Variants in TYR observed in about 807,000 individuals in gnomAD.
TYR encodes the protein LB24-AB.
A neutral mutation model predicts 51.5 loss-of-function variants in TYR; 58 were observed. That is an observed-to-expected ratio of 1.13 (90% confidence interval 0.91 to 1.40). The LOEUF (loss-of-function observed/expected upper bound fraction) is 1.40. TYR is among the 40% of genes most tolerant of loss of function. The pLI, the probability that TYR is intolerant of heterozygous loss-of-function variation, is 0.00. For synonymous variants in TYR, 263 were observed against 235.2 expected (o/e 1.12, Z -1.08); for missense variants, 732 against 647.4 (o/e 1.13, Z -1.42).
In TYR at chr11:89,191,388, G is replaced by A. The variant is rs1201322135; in HGVS notation, c.1006G>A (p.Ala336Thr). Reference protein sequence around the residue: ...QYESGSMDKAANFSFRNTLEG... With the variant: ...QYESGSMDKATNFSFRNTLEG... ...TGAATCTGGTTCCATGGATAAAGCT[G>A]CCAATTTCAGCTTTAGAAATACACT... The change falls in exon 2 of 5, where the codon GCC (alanine) becomes ACC (threonine). Residue 336 changes from alanine (A) to threonine (T), a missense_variant. Transcript: ENST00000263321. The A allele has an allele frequency of 1.2e-6, 2 of 1,613,574 alleles. No individual in the cohort carries two copies. Among genetic ancestry groups the A allele is most frequent in the Non-Finnish European group, 8.5e-7 (1 of 1,179,692 alleles).
chr11:89,250,524 T>C (rs1443041610), intron 3 of TYR, among the ~76,000 whole-genome samples: 2 of 151,900 alleles, frequency 1.3e-5, no homozygotes, highest in Non-Finnish European at 2.9e-5. Flanking sequence ...CATAACAAAA[T>C]ACCACAGACT....
chr11:89,240,922 G>A (rs1347489297), intron 3 of TYR, among the ~76,000 whole-genome samples: 1 of 152,098 alleles, frequency 6.6e-6, no homozygotes, highest in East Asian at 1.9e-4. Context: ...GCTGTTCTCA[G>A]GTTTGTAAAA....
chr11:89,262,603 G>T (rs1199655852), intron 3 of TYR, among the ~76,000 whole-genome samples: 3 of 142,858 alleles, frequency 2.1e-5, no homozygotes, highest in African/African-American at 5.2e-5. Context: ...AGCTAGACTG[G>T]CCAAGAAAAA....
chr11:89,237,930 G>T (rs1243561809), intron 3 of TYR, among the ~76,000 whole-genome samples: 4 of 152,012 alleles, frequency 2.6e-5, no homozygotes, highest in Admixed American at 6.6e-5. Context: ...CCACCTCCCA[G>T]GTTCAAGCGA....
At chr11:89,286,581 A>T (rs1344386268) in intron 4 of TYR, among the ~76,000 whole-genome samples, 2 of 151,808 alleles carry the variant, frequency 1.3e-5, no homozygotes, top group Non-Finnish European at 1.5e-5. Flanking sequence ...ATATATACAC[A>T]ATTTGGGGCT....
intron 2 of TYR, among the ~76,000 whole-genome samples, chr11:89,194,099 T>C (rs1232489060): frequency 6.6e-6 from 1 of 152,198 alleles, no homozygotes; most frequent in Non-Finnish European, 1.5e-5. Context: ...GTATTTTTCC[T>C]CTCCAAAATA....
rs199857962 is a variant in TYR at position 89,217,825 on chromosome 11, GTTTCCCATGT to G, written c.1037-9996_1037-9987del. Among the ~76,000 whole-genome samples the G allele has an allele frequency of 7.8e-3, 1,187 of 152,160 alleles. 14 individuals carry two copies. Among genetic ancestry groups the G allele is most frequent in the African/African-American group, 0.026 (1,093 of 41,500 alleles). On this transcript the variant is annotated intron_variant, in intron 2 of 4. Coordinates refer to ENST00000263321, the MANE Select transcript of TYR (RefSeq NM_000372.5). ...TTGCTGCCCTACTCTTTCTGAAATAGTTTCCCATGTTATCCCATTTTCTACTACATGGAAA... is the reference window on the plus strand; with the variant it reads ...TTGCTGCCCTACTCTTTCTGAAATAGTATCCCATTTTCTACTACATGGAAA...
rs138237591 is a variant in TYR at position 89,224,596 on chromosome 11, A to C, written c.1037-3227A>C. Among the ~76,000 whole-genome samples the C allele has an allele frequency of 7.9e-5, 12 of 152,258 alleles. No individual in the cohort carries two copies. The East Asian group carries it at 2.3e-3, about 29-fold the overall frequency. ...CCTTCCAAGCATACTTTTCCAAATGAATCTGATTGAGAAGACTCCTGAAGA... is the reference window on the plus strand; with the variant it reads ...CCTTCCAAGCATACTTTTCCAAATGCATCTGATTGAGAAGACTCCTGAAGA... On this transcript the variant is annotated intron_variant, in intron 2 of 4. Coordinates refer to ENST00000263321, the MANE Select transcript of TYR (RefSeq NM_000372.5).
chr11:89,282,652 A>G (rs1258463683), intron 3 of TYR, among the ~76,000 whole-genome samples: 1 of 151,836 alleles, frequency 6.6e-6, no homozygotes, highest in Non-Finnish European at 1.5e-5. Flanking sequence ...ATAGGACTTT[A>G]ATAAAATTTG....
chr11:89,264,537 A>G (rs950403351), intron 3 of TYR, among the ~76,000 whole-genome samples: 2 of 152,014 alleles, frequency 1.3e-5, no homozygotes, highest in African/African-American at 4.8e-5. Flanking sequence ...AGATGGAAAT[A>G]CCATTCGACC....
At chr11:89,215,226 A>G (rs1304763545) in intron 2 of TYR, among the ~76,000 whole-genome samples, 1 of 152,134 alleles carries the variant, frequency 6.6e-6, no homozygotes, top group Non-Finnish European at 1.5e-5. Flanking sequence ...GGCTACTTAT[A>G]GCTGACTTCT....
At chr11:89,219,197 G>A (rs944263350) in intron 2 of TYR, among the ~76,000 whole-genome samples, 1 of 152,022 alleles carries the variant, frequency 6.6e-6, no homozygotes, top group African/African-American at 2.4e-5. Context: ...AATAGACTAG[G>A]ACTTGAGACT....
intron 4 of TYR, among the ~76,000 whole-genome samples, chr11:89,293,370 C>CACA (rs1555100629): frequency 8.8e-5 from 12 of 135,918 alleles, no homozygotes; most frequent in Non-Finnish European, 1.2e-4. Context: ...CACACACACA[C>CACA]AACCCAGAAT....
chr11:89,256,768 A>G (rs889377774), intron 3 of TYR, among the ~76,000 whole-genome samples: 11 of 151,874 alleles, frequency 7.2e-5, no homozygotes, highest in Non-Finnish European at 1.5e-4. Flanking sequence ...AGATTTCTGA[A>G]GAGGGGACAC....
At chr11:89,215,116 A>G (rs1943815045) in intron 2 of TYR, among the ~76,000 whole-genome samples, 1 of 152,198 alleles carries the variant, frequency 6.6e-6, no homozygotes, top group Admixed American at 6.5e-5. Context: ...TAAGCAAACC[A>G]GAAAAGAAAT....
intron 3 of TYR, among the ~76,000 whole-genome samples, chr11:89,279,340 T>C (rs1320685372): frequency 6.6e-6 from 1 of 151,680 alleles, no homozygotes; most frequent in African/African-American, 2.4e-5. Flanking sequence ...CATTATTTGA[T>C]AGTAGGTCAT....
At chr11:89,222,708 C>T (rs1238505220) in intron 2 of TYR, among the ~76,000 whole-genome samples, 1 of 152,054 alleles carries the variant, frequency 6.6e-6, no homozygotes, top group African/African-American at 2.4e-5. Context: ...CACTGCACTC[C>T]AGCCTGGGCA....
At chr11:89,215,856 T>A (rs1324300184) in intron 2 of TYR, among the ~76,000 whole-genome samples, 1 of 152,186 alleles carries the variant, frequency 6.6e-6, no homozygotes, top group Non-Finnish European at 1.5e-5. Context: ...ATACAGCTCA[T>A]GTTTTTTATT....
intron 2 of TYR, among the ~76,000 whole-genome samples, chr11:89,205,875 A>T (rs1234993965): frequency 6.6e-6 from 1 of 152,204 alleles, no homozygotes; most frequent in East Asian, 1.9e-4. Context: ...ATTTTATGTC[A>T]TTCATCTAAA....
Sources: gnomAD v4.1 joint callset for allele counts (sites outside exome capture counted in the v4.1 genomes callset) on GRCh38, gnomAD v4.1.1 for gene constraint, MANE v1.5 for transcripts, NCBI Gene and HGNC (gene_info 2026-07-23, HGNC 2026-07-21) for gene names.